Variants in SLC22A23 observed in about 807,000 individuals in gnomAD.
The protein encoded by SLC22A23 is solute carrier family 22 member 23.
SLC22A23 carries 26 observed loss-of-function variants against 61.0 expected under a neutral mutation model. That is an observed-to-expected ratio of 0.43 (90% confidence interval 0.31 to 0.59). The LOEUF is 0.59. Ranked by LOEUF, SLC22A23 falls within the 20% of genes least tolerant of loss-of-function variation. SLC22A23 has a pLI of 0.11. For missense variants in SLC22A23, 796 were observed against 934.7 expected (o/e 0.85, Z 1.94); for synonymous variants, 430 against 413.9 (o/e 1.04, Z -0.47).
rs1770574896 is a variant in SLC22A23 at position 3,427,442 on chromosome 6, T to C, written c.655-11587A>G. 6.6e-6 allele frequency among the ~76,000 whole-genome samples: 1 copy of C among 152,198 alleles called. No individual in the cohort carries two copies. Among genetic ancestry groups the C allele is most frequent in the Non-Finnish European group, 1.5e-5 (1 of 68,038 alleles). On this transcript the variant is annotated intron_variant, in intron 1 of 9. Transcript: ENST00000406686. The surrounding 1 kb of genome is among the most constrained non-coding windows in gnomAD (Gnocchi z 4.3). ...AACTGACCCAAATTAAGGGGTATTT[T>C]ACTAGTTTTACATCCTGTCTGCATA...
chr6:3,398,286 T>C (rs7739207), intron 3 of SLC22A23, among the ~76,000 whole-genome samples: 132,712 of 151,882 alleles, frequency 0.87, 58,435 homozygotes, highest in African/African-American at 0.97. Flanking sequence ...CCAACCCTGA[T>C]AATCTGACTT....
At position 3,308,673 on chromosome 6, in the gene SLC22A23, G is replaced by A. The variant is rs1034318926; in HGVS notation, c.1083-10455C>T. On this transcript the variant is annotated intron_variant, in intron 4 of 9. Coordinates refer to ENST00000406686, the MANE Select transcript of SLC22A23 (RefSeq NM_015482.2). This position sits in a 1 kb window ranked among gnomAD's most constrained non-coding sequence, Gnocchi z 5.1. ...TAAAACCACAGCATGGGCCGGGTGTGGTGGCTCACACCTGTAATCCCAGTA... is the reference window on the plus strand; with the variant it reads ...TAAAACCACAGCATGGGCCGGGTGTAGTGGCTCACACCTGTAATCCCAGTA... Among the ~76,000 whole-genome samples the A allele has an allele frequency of 7.2e-5, 11 of 152,196 alleles. No homozygotes were observed. The highest frequency in any genetic ancestry group is 1.5e-4 in the Non-Finnish European group (10 of 68,038).
intron 4 of SLC22A23, among the ~76,000 whole-genome samples, chr6:3,315,140 C>T (rs1232928543): frequency 6.9e-6 from 1 of 145,044 alleles, no homozygotes; most frequent in Non-Finnish European, 1.5e-5. Context: ...TAGGTGTGCA[C>T]CTGATTAAAA....
At chr6:3,344,564 G>A (rs1427413649) in intron 3 of SLC22A23, among the ~76,000 whole-genome samples, 1 of 152,110 alleles carries the variant, frequency 6.6e-6, no homozygotes, top group Non-Finnish European at 1.5e-5. Context: ...TAAATTTTCT[G>A]GGAAACTAAA....
At chr6:3,312,317 A>C (rs1226415433) in intron 4 of SLC22A23, 1 of 152,202 alleles carries the variant, frequency 6.6e-6, no homozygotes, top group Non-Finnish European at 1.5e-5. Flanking sequence ...CCGTAGAAGC[A>C]ATTATCAGGC....
chr6:3,410,301 A>G lies in SLC22A23; in HGVS notation c.800T>C (p.Ile267Thr). 1 of 1,613,706 alleles carries G rather than the reference A, an allele frequency of 6.2e-7. No homozygotes were observed. The highest frequency in any genetic ancestry group is 1.1e-5 in the South Asian group (1 of 90,954). The change falls in exon 3 of 10, where the codon ATT becomes ACT. Residue 267 changes from isoleucine (I) to threonine (T), a missense_variant. Physicochemically the swap from Ile to Thr is moderately conservative, Grantham distance 89. Transcript: ENST00000406686. The surrounding 1 kb of genome is among the most constrained non-coding windows in gnomAD (Gnocchi z 5.0). ...TGCCACAGTCAGTCCAAAGATCAGA[A>G]TGAAGATGATGGAAAACAGCAGCAC... Reference protein sequence around the residue: ...RPVLLFSIIFILIFGLTVALS... With the variant: ...RPVLLFSIIFTLIFGLTVALS...
At chr6:3,359,020 TCA>T (rs1418595422) in intron 3 of SLC22A23, among the ~76,000 whole-genome samples, 2 of 152,136 alleles carry the variant, frequency 1.3e-5, no homozygotes, top group Admixed American at 1.3e-4. Flanking sequence ...TAATCAAGTC[TCA>T]GTCATTCAGG....
chr6:3,349,309 T>C (rs1764628659), intron 3 of SLC22A23, among the ~76,000 whole-genome samples: 1 of 152,162 alleles, frequency 6.6e-6, no homozygotes, highest in Admixed American at 6.5e-5. Context: ...CCTACCTGTC[T>C]TTCTTCCTCC....
chr6:3,324,118 T>G lies in SLC22A23; in HGVS notation c.914-116A>C. On this transcript the variant is annotated intron_variant, in intron 3 of 9. Coordinates refer to ENST00000406686, the MANE Select transcript of SLC22A23 (RefSeq NM_015482.2). This position sits in a 1 kb window ranked among gnomAD's most constrained non-coding sequence, Gnocchi z 4.3. ...CCACCAACGACTGAAATTGTTTTCA[T>G]CTGCTGCCCACCACAAGTGCCCTAT... 1 of 1,307,626 alleles carries G rather than the reference T, an allele frequency of 7.6e-7. No homozygotes were observed. The highest frequency in any genetic ancestry group is 1.1e-6 in the Non-Finnish European group (1 of 944,396). 81.0% of individuals were successfully genotyped at this position (1,307,626 alleles called of 1,614,324 possible).
At chr6:3,326,104 C>A (rs1224103883) in intron 3 of SLC22A23, among the ~76,000 whole-genome samples, 4 of 152,224 alleles carry the variant, frequency 2.6e-5, no homozygotes, top group Non-Finnish European at 4.4e-5. Context: ...CTTCCCAGAC[C>A]AGGTTCTAGG....
At chr6:3,451,900 C>T (rs80167043) in intron 1 of SLC22A23, among the ~76,000 whole-genome samples, 5 of 152,240 alleles carry the variant, frequency 3.3e-5, no homozygotes, top group Admixed American at 2.0e-4. Context: ...GAAACTGTAT[C>T]GATAAGGGCT....
chr6:3,341,788 C>T (rs564011074), intron 3 of SLC22A23, among the ~76,000 whole-genome samples: 3 of 92,894 alleles, frequency 3.2e-5, no homozygotes, highest in South Asian at 3.6e-4. Context: ...GGGGTGGGGG[C>T]GGGGGAGCGC....
chr6:3,286,995 A>T lies in SLC22A23; in HGVS notation c.1410T>A (p.Tyr470Ter), dbSNP rs992733578. The T allele has an allele frequency of 6.2e-7, 1 of 1,614,088 alleles. No homozygotes were observed. The highest frequency in any genetic ancestry group is 1.3e-5 in the African/African-American group (1 of 74,944). ...ACACCAGCGCGATGCTGGCCGTGGT[A>T]TAGTAGTCAGCATAGAAGTTCTCCA... ...PLLENFYADY[Y>*]TTASIALVSC... is the part of the protein sequence containing the mutation. The change falls in exon 7 of 10, where the codon TAT becomes TAA. Residue 470 changes from tyrosine (Y) to a stop codon, truncating the protein, a stop_gained. Coordinates refer to ENST00000406686, the MANE Select transcript of SLC22A23 (RefSeq NM_015482.2). LOFTEE classifies it high-confidence loss of function. The surrounding 1 kb of genome is among the most constrained non-coding windows in gnomAD (Gnocchi z 4.2).
At chr6:3,383,141 A>T (rs1394305624) in intron 3 of SLC22A23, among the ~76,000 whole-genome samples, 1 of 152,108 alleles carries the variant, frequency 6.6e-6, no homozygotes, top group East Asian at 1.9e-4. Context: ...GAAACAAACA[A>T]ATGATAAAGC....
chr6:3,310,330 C>CGG (rs1762292725), intron 4 of SLC22A23, among the ~76,000 whole-genome samples: 1 of 65,612 alleles, frequency 1.5e-5, no homozygotes, highest in Non-Finnish European at 3.6e-5. Flanking sequence ...GCCTCCCACT[C>CGG]GAGCACCCTG....
At position 3,344,411 on chromosome 6, in the gene SLC22A23, T is replaced by G. The variant is rs567153174; in HGVS notation, c.914-20409A>C. 2.0e-5 allele frequency among the ~76,000 whole-genome samples: 3 copies of G among 152,302 alleles called. No individual in the cohort carries two copies. The East Asian group carries it at 5.8e-4, about 29-fold the overall frequency. The stretch of plus-strand genomic sequence containing the variant: ...GCCATATTCTCCTCCCCTCTTTCCT[T>G]CCCCTTTTCTAGCAGAAGCTCTACT... On this transcript the variant is annotated intron_variant, in intron 3 of 9. Transcript: ENST00000406686.
At chr6:3,274,855 C>A (rs770061683) in intron 9 of SLC22A23, among the ~76,000 whole-genome samples, 3 of 151,216 alleles carry the variant, frequency 2.0e-5, no homozygotes, top group Non-Finnish European at 4.4e-5. Context: ...AATGGAGTGA[C>A]ATTCCATGTT....
chr6:3,400,925 G>A (rs946324857), intron 3 of SLC22A23, among the ~76,000 whole-genome samples: 2 of 152,172 alleles, frequency 1.3e-5, no homozygotes, highest in African/African-American at 4.8e-5. Flanking sequence ...GCAAAAATAG[G>A]CATTACCGAC....
chr6:3,411,472 G>A (rs957096334), intron 2 of SLC22A23, among the ~76,000 whole-genome samples: 1 of 152,154 alleles, frequency 6.6e-6, no homozygotes, highest in Non-Finnish European at 1.5e-5. Flanking sequence ...GTCCAGGACT[G>A]GGGGGTGATG....
Sources: allele counts gnomAD v4.1 joint callset (sites outside exome capture counted in the v4.1 genomes callset), GRCh38; gene constraint gnomAD v4.1.1; non-coding constraint Gnocchi (gnomAD v3.1); transcripts MANE v1.5; gene names NCBI Gene and HGNC (gene_info 2026-07-23, HGNC 2026-07-21).